The following MYO16 variants were observed in gnomAD, a reference collection of about 807,000 sequenced individuals.
MYO16 encodes the protein myosin XVI.
A neutral mutation model predicts 205.3 loss-of-function variants in MYO16; 94 were observed. That is an observed-to-expected ratio of 0.46 (90% CI 0.39 to 0.54). The LOEUF is 0.54. Ranked by LOEUF, MYO16 falls within the 20% of genes least tolerant of loss-of-function variation. MYO16 has a pLI of 0.00. For missense variants in MYO16, 2,315 were observed against 2,387.5 expected (o/e 0.97, Z 0.63); for synonymous variants, 988 against 954.0 (o/e 1.04, Z -0.66).
At chr13:108,736,247 A>G (rs1208685352) in intron 4 of MYO16, among the ~76,000 whole-genome samples, 2 of 152,150 alleles carry the variant, frequency 1.3e-5, no homozygotes, top group African/African-American at 2.4e-5. Context: ...GGTACTGCCT[A>G]GGTTTTCTTC....
In MYO16 at chr13:109,206,678, A is replaced by G; in HGVS notation, c.5485A>G (p.Lys1829Glu). The G allele has an allele frequency of 6.2e-7, 1 of 1,614,146 alleles. No individual in the cohort carries two copies. The highest frequency in any genetic ancestry group is 8.5e-7 in the Non-Finnish European group (1 of 1,180,004). Residue 1829 changes from lysine to glutamate, a missense_variant, in exon 35 of 35, where the codon AAG becomes GAG. Coordinates refer to ENST00000457511, the MANE Select transcript of MYO16 (RefSeq NM_001198950.3). Reference sequence around the variant, plus strand: ...GCAGGAACTCTTGGACTGGAGGAGAAAGCTCTGTGAGGAAGGACAAGACTG... The same window carrying G: ...GCAGGAACTCTTGGACTGGAGGAGAGAGCTCTGTGAGGAAGGACAAGACTG... ...ALQELLDWRR[K>E]LCEEGQDWQQ...
chr13:108,574,671 G>T, the MYO16 span, among the ~76,000 whole-genome samples: 1 of 50,260 alleles, frequency 2.0e-5, no homozygotes, highest in East Asian at 5.4e-4. Flanking sequence ...ATAACAATTT[G>T]TGTGTGTGTG....
chr13:108,948,040 G>A (rs1288378441), intron 16 of MYO16, among the ~76,000 whole-genome samples: 1 of 152,168 alleles, frequency 6.6e-6, no homozygotes, highest in Admixed American at 6.5e-5. Flanking sequence ...ATAAAAAGTT[G>A]TACTCATATT....
At chr13:108,556,405 A>G in the MYO16 span, among the ~76,000 whole-genome samples, 5 of 151,896 alleles carry the variant, frequency 3.3e-5, no homozygotes, top group South Asian at 2.1e-4. Context: ...TTTTTTTTGT[A>G]TACCCGTTGG....
At chr13:108,511,183 A>C in the MYO16 span, among the ~76,000 whole-genome samples, 1 of 124,252 alleles carries the variant, frequency 8.0e-6, no homozygotes, top group African/African-American at 3.2e-5. Flanking sequence ...GTGTGAGATG[A>C]TATCTCATAG....
At chr13:109,098,515 CT>C (rs1888848526) in intron 27 of MYO16, among the ~76,000 whole-genome samples, 1 of 152,168 alleles carries the variant, frequency 6.6e-6, no homozygotes. Flanking sequence ...AGTCTTTCCA[CT>C]TTGGTTGTGT....
chr13:109,176,603 A>AAAAAAAAAAAAACC, intron 33 of MYO16, among the ~76,000 whole-genome samples: 1 of 142,674 alleles, frequency 7.0e-6, no homozygotes, highest in Non-Finnish European at 1.5e-5. Flanking sequence ...AAAAAAAAAG[A>AAAAAAAAAAAAACC]CCTCCTTTGC....
chr13:108,988,931 C>T (rs972365571), intron 20 of MYO16, among the ~76,000 whole-genome samples: 17 of 152,150 alleles, frequency 1.1e-4, no homozygotes, highest in African/African-American at 3.6e-4. Flanking sequence ...GTCCCTGCAT[C>T]GGCAGCATCT....
chr13:109,030,640 C>T (rs751400290), intron 23 of MYO16, among the ~76,000 whole-genome samples: 19 of 152,040 alleles, frequency 1.2e-4, no homozygotes, highest in Non-Finnish European at 2.4e-4. Context: ...GGGAGCTTAT[C>T]GACTCTCAAG....
chr13:108,665,615 A>C (rs1437865290), intron 1 of MYO16, among the ~76,000 whole-genome samples: 9 of 152,226 alleles, frequency 5.9e-5, no homozygotes, highest in Non-Finnish European at 1.3e-4. Flanking sequence ...AAGAAACAGG[A>C]AGAGATGGAT....
intron 16 of MYO16, among the ~76,000 whole-genome samples, chr13:108,943,656 G>A (rs1296281205): frequency 1.3e-5 from 2 of 151,956 alleles, no homozygotes; most frequent in Non-Finnish European, 2.9e-5. Context: ...TCACCATGTT[G>A]GCCAGGCTGG....
At chr13:108,496,114 G>A in the MYO16 span, among the ~76,000 whole-genome samples, 1 of 152,162 alleles carries the variant, frequency 6.6e-6, no homozygotes, top group South Asian at 2.1e-4. Context: ...GGTGAGGGTT[G>A]GACGCGTCTG....
chr13:108,551,940 C>A, the MYO16 span, among the ~76,000 whole-genome samples: 1 of 152,154 alleles, frequency 6.6e-6, no homozygotes, highest in East Asian at 1.9e-4. Context: ...ATGAGTCACT[C>A]TATCCACTAA....
At chr13:109,143,440 G>T (rs275949) in intron 32 of MYO16, among the ~76,000 whole-genome samples, 1 of 151,886 alleles carries the variant, frequency 6.6e-6, no homozygotes, top group Non-Finnish European at 1.5e-5. Flanking sequence ...CACACACCGT[G>T]TTTCATTCCA....
chr13:108,734,961 C>T (rs1884641754), intron 4 of MYO16, among the ~76,000 whole-genome samples: 1 of 152,164 alleles, frequency 6.6e-6, no homozygotes, highest in African/African-American at 2.4e-5. Flanking sequence ...CTACAAACTG[C>T]ACACATGGTA....
At chr13:108,524,403 C>T in the MYO16 span, among the ~76,000 whole-genome samples, 2 of 152,168 alleles carry the variant, frequency 1.3e-5, no homozygotes, top group South Asian at 2.1e-4. Flanking sequence ...ATGTGAATTA[C>T]CTGCTTCCCC....
At chr13:108,941,091 G>A (rs1047061540) in intron 16 of MYO16, among the ~76,000 whole-genome samples, 2 of 152,078 alleles carry the variant, frequency 1.3e-5, no homozygotes, top group Non-Finnish European at 2.9e-5. Context: ...AAAAATGAGT[G>A]AGACACAGGC....
chr13:109,188,433 T>G (rs945193806), intron 34 of MYO16, among the ~76,000 whole-genome samples: 7 of 152,224 alleles, frequency 4.6e-5, no homozygotes, highest in African/African-American at 1.7e-4. Context: ...CAGATGAGTC[T>G]TATTTATTTT....
intron 12 of MYO16, 34 bp downstream of exon 12, chr13:108,866,276 G>A (rs1292834202): frequency 2.2e-6 from 3 of 1,388,018 alleles, no homozygotes; most frequent in Non-Finnish European, 2.0e-6. Context: ...ATTGAATAAT[G>A]TAGAGTAATA....
Sources: allele counts gnomAD v4.1 joint callset (sites outside exome capture counted in the v4.1 genomes callset), GRCh38; gene constraint gnomAD v4.1.1; transcripts MANE v1.5; gene names NCBI Gene and HGNC (gene_info 2026-07-23, HGNC 2026-07-21).